CTSC: variants seen among roughly 807,000 people sequenced by gnomAD.
CTSC encodes dipeptidyl peptidase 1.
In CTSC, 37 loss-of-function variants were observed where a neutral mutation model predicts 40.9. The ratio of observed to expected loss-of-function variants is 0.91; its 90% CI spans 0.70 to 1.19. The LOEUF is 1.19. CTSC is among the 50% of genes most tolerant of loss of function. CTSC has a pLI of 0.00. For missense variants in CTSC, 594 were observed against 567.3 expected (o/e 1.05, Z -0.48); for synonymous variants, 232 against 207.4 (o/e 1.12, Z -1.02).
chr11:88,315,033 A>G (rs1054509833), intron 2 of CTSC, among the ~76,000 whole-genome samples: 1 of 152,230 alleles, frequency 6.6e-6, no homozygotes, highest in African/African-American at 2.4e-5. Flanking sequence ...CTTCATACTA[A>G]ACTATGTAAA....
At chr11:88,337,419 G>C in intron 1 of CTSC, 82 bp downstream of exon 1, 1 of 1,387,540 alleles carries the variant, frequency 7.2e-7, no homozygotes, top group South Asian at 1.2e-5. Context: ...TGCCTGGGGG[G>C]AAGCGGTAGT....
rs575824734 is a variant in CTSC at position 88,333,993 on chromosome 11, C to T, written c.318+944G>A. Among the ~76,000 whole-genome samples the T allele has an allele frequency of 2.0e-5, 3 of 152,250 alleles. No individual in the cohort carries two copies. In the South Asian group the frequency reaches 6.2e-4, roughly 32 times the overall value. ...TGCTTGGACCGCCATAACCTTGTGACAAACCACAACTCCCATGAGAAATTA... is the reference window on the plus strand; with the variant it reads ...TGCTTGGACCGCCATAACCTTGTGATAAACCACAACTCCCATGAGAAATTA... On this transcript the variant is annotated intron_variant, in intron 2 of 6. Coordinates refer to ENST00000227266, the MANE Select transcript of CTSC (RefSeq NM_001814.6).
chr11:88,303,294 T>TA (rs1944389287), intron 4 of CTSC, among the ~76,000 whole-genome samples: 1 of 152,152 alleles, frequency 6.6e-6, no homozygotes, highest in African/African-American at 2.4e-5. Context: ...ACTGTGTACT[T>TA]AGAGATGGCA....
chr11:88,309,688 T>TA (rs1262589594), intron 3 of CTSC, among the ~76,000 whole-genome samples: 2 of 152,010 alleles, frequency 1.3e-5, no homozygotes, highest in Non-Finnish European at 2.9e-5. Context: ...TATATTATAT[T>TA]AAATATGAGA....
intron 2 of CTSC, among the ~76,000 whole-genome samples, chr11:88,326,971 G>GA (rs902628327): frequency 3.6e-4 from 54 of 148,822 alleles, no homozygotes; most frequent in African/African-American, 1.0e-3. Context: ...ATTTTTCGTG[G>GA]AAAAAAAAAA....
At chr11:88,300,354 A>G (rs544028641) in intron 5 of CTSC, among the ~76,000 whole-genome samples, 176 bp downstream of exon 5, 14 of 152,350 alleles carry the variant, frequency 9.2e-5, no homozygotes, top group South Asian at 8.3e-4. Context: ...ATTTTTTACT[A>G]AAGTTTGTCA....
chr11:88,296,089 A>G (rs1429024780), intron 6 of CTSC, 44 bp downstream of exon 6: 2 of 1,609,398 alleles, frequency 1.2e-6, no homozygotes, highest in African/African-American at 1.3e-5. Flanking sequence ...CCAGCTGCAC[A>G]CAGGTAAATA....
chr11:88,337,633 G>C lies in CTSC; in HGVS notation c.40C>G (p.Leu14Val). The change falls in exon 1 of 7, where the codon CTG (leucine) becomes GTG (valine). Residue 14 changes from leucine (L) to valine (V), a missense_variant. Leu to Val is a conservative substitution (Grantham distance 32). Transcript: ENST00000227266. ...ACGGCGCCGTCGCCGGAGAGAAGCA[G>C]CAGGAGGGCGGCGAGCAGCAAGGAG... Reference protein sequence around the residue: ...GPSLLLAALLLLLSGDGAVRC... With the variant: ...GPSLLLAALLVLLSGDGAVRC... 1 of 1,584,672 alleles carries C rather than the reference G, an allele frequency of 6.3e-7. No individual in the cohort carries two copies. Among genetic ancestry groups the C allele is most frequent in the Non-Finnish European group, 8.6e-7 (1 of 1,164,912 alleles).
intron 2 of CTSC, among the ~76,000 whole-genome samples, chr11:88,319,049 A>G (rs925439678): frequency 2.6e-5 from 4 of 152,174 alleles, no homozygotes; most frequent in Non-Finnish European, 2.9e-5. Context: ...AAGTCCCTAT[A>G]AGATAGTTAA....
intron 2 of CTSC, among the ~76,000 whole-genome samples, chr11:88,326,972 A>G (rs1371575377): frequency 6.8e-6 from 1 of 148,034 alleles, no homozygotes; most frequent in Non-Finnish European, 1.5e-5. Flanking sequence ...TTTTTCGTGG[A>G]AAAAAAAAAT....
intron 3 of CTSC, among the ~76,000 whole-genome samples, chr11:88,309,774 T>C (rs559841714): frequency 9.5e-4 from 143 of 150,726 alleles, no homozygotes; most frequent in Non-Finnish European, 1.4e-3. Context: ...TATATGTATA[T>C]TAACGTATAT....
At chr11:88,306,121 T>C (rs217124) in intron 4 of CTSC, among the ~76,000 whole-genome samples, 111,602 of 152,128 alleles carry the variant, frequency 0.73, 41,156 homozygotes, top group South Asian at 0.8. Flanking sequence ...CAAGAAATTC[T>C]CTAGAATAAA....
intron 2 of CTSC, among the ~76,000 whole-genome samples, chr11:88,313,081 T>C (rs962477627): frequency 6.6e-6 from 1 of 152,170 alleles, no homozygotes; most frequent in African/African-American, 2.4e-5. Context: ...TGAACTTTTT[T>C]TTTCCAGGGA....
In CTSC at chr11:88,300,569, C is replaced by CA; in HGVS notation, c.717dup (p.Val240CysfsTer53). 6.2e-7 allele frequency: 1 copy of CA among 1,613,620 alleles called. No individual in the cohort carries two copies. The highest frequency in any genetic ancestry group is 2.2e-5 in the East Asian group (1 of 44,868). ...GGACTGACAAAATTGATACCATGAACATTTCTCCAGTCCCAAGATGTTGGC... is the reference window on the plus strand; with the variant it reads ...GGACTGACAAAATTGATACCATGAACAATTTCTCCAGTCCCAAGATGTTGGC... On this transcript the variant is annotated frameshift_variant, in exon 5 of 7. Transcript: ENST00000227266. LOFTEE classifies it high-confidence loss of function.
At chr11:88,337,413 T>A in intron 1 of CTSC, 88 bp downstream of exon 1, 1 of 1,352,630 alleles carries the variant, frequency 7.4e-7, no homozygotes, top group Admixed American at 2.0e-5. Context: ...AGCGTCTGCC[T>A]GGGGGGAAGC....
At chr11:88,329,588 A>G (rs1469895642) in intron 2 of CTSC, among the ~76,000 whole-genome samples, 4 of 152,224 alleles carry the variant, frequency 2.6e-5, no homozygotes, top group Admixed American at 6.5e-5. Context: ...AGCTTTATAC[A>G]TGATCATCAT....
At chr11:88,321,188 G>C (rs1938001068) in intron 2 of CTSC, 1 of 244,738 alleles carries the variant, frequency 4.1e-6, no homozygotes, top group Non-Finnish European at 6.5e-6. Context: ...GGATGTGCAG[G>C]TTTCTTACAT....
chr11:88,311,378 T>A (rs56939214), intron 3 of CTSC, among the ~76,000 whole-genome samples: 2,512 of 152,306 alleles, frequency 0.016, 78 homozygotes, highest in African/African-American at 0.057. Context: ...TTAAATCATC[T>A]CTCTTACCTC....
chr11:88,318,757 T>A (rs1937931138), intron 2 of CTSC, among the ~76,000 whole-genome samples: 1 of 152,078 alleles, frequency 6.6e-6, no homozygotes, highest in South Asian at 2.1e-4. Context: ...AATACAAAAA[T>A]TAGCCTGGCA....
Sources: gnomAD v4.1 joint callset for allele counts (sites outside exome capture counted in the v4.1 genomes callset) on GRCh38, gnomAD v4.1.1 for gene constraint, MANE v1.5 for transcripts, NCBI Gene and HGNC (gene_info 2026-07-23, HGNC 2026-07-21) for gene names.